TBL1XR1: variants seen among roughly 807,000 people sequenced by gnomAD.
TBL1XR1 encodes TBL1X/Y related 1.
In TBL1XR1, 5 loss-of-function variants were observed where a neutral mutation model predicts 66.9. That is an observed-to-expected ratio of 0.07 (90% CI 0.04 to 0.16). The LOEUF is 0.16. Ranked by LOEUF, TBL1XR1 falls within the 10% of genes least tolerant of loss-of-function variation. The pLI is 1.00. For synonymous variants in TBL1XR1, 210 were observed against 206.0 expected (o/e 1.02, Z -0.17); for missense variants, 238 against 623.2 (o/e 0.38, Z 6.58).
In TBL1XR1 at chr3:177,020,304, A is replaced by G. The variant is rs1178508228; in HGVS notation, c.*5194T>C. 4 of 152,160 alleles carry G rather than the reference A, an allele frequency of 2.6e-5. No homozygotes were observed. Among genetic ancestry groups the G allele is most frequent in the Non-Finnish European group, 5.9e-5 (4 of 68,016 alleles). 9.4% of individuals were successfully genotyped at this position (152,160 alleles called of 1,614,324 possible). On this transcript the variant is annotated 3_prime_UTR_variant, in exon 16 of 16. Transcript: ENST00000457928. ...TGTGAAATAACGTCTTTTAAATACA[A>G]TATTTATTTTTCAAAAGAATTAAAA...
intron 2 of TBL1XR1, among the ~76,000 whole-genome samples, chr3:177,066,181 A>G (rs1160481207): frequency 6.6e-6 from 1 of 152,194 alleles, no homozygotes. Flanking sequence ...AAAAATTAAC[A>G]AGCATTTGAG....
chr3:177,116,704 A>G, intron 1 of TBL1XR1, among the ~76,000 whole-genome samples: 1 of 152,212 alleles, frequency 6.6e-6, no homozygotes, highest in East Asian at 1.9e-4. Context: ...TAACCTCTCT[A>G]AACCTCAGTT....
chr3:177,138,447 G>A (rs1729246957), intron 1 of TBL1XR1, among the ~76,000 whole-genome samples: 1 of 152,106 alleles, frequency 6.6e-6, no homozygotes. Flanking sequence ...GTAAAAATTA[G>A]TTGGGGTGGT....
chr3:177,094,761 G>A (rs534215807), intron 2 of TBL1XR1, among the ~76,000 whole-genome samples: 21 of 152,250 alleles, frequency 1.4e-4, no homozygotes, highest in African/African-American at 4.3e-4. Context: ...AAGTGAGAGC[G>A]AAGCTATGAG....
chr3:177,129,093 C>A (rs1056363722), intron 1 of TBL1XR1, among the ~76,000 whole-genome samples: 26 of 152,056 alleles, frequency 1.7e-4, no homozygotes, highest in African/African-American at 4.8e-4. Flanking sequence ...CTATGGGATG[C>A]TCAAAAGACA....
intron 13 of TBL1XR1, among the ~76,000 whole-genome samples, 169 bp downstream of exon 13, chr3:177,034,029 G>T (rs1714399672): frequency 6.8e-6 from 1 of 147,618 alleles, no homozygotes; most frequent in Non-Finnish European, 1.5e-5. Flanking sequence ...CAGCACTAAA[G>T]AATTTATTCT....
At chr3:177,081,904 A>G (rs959899862) in intron 2 of TBL1XR1, among the ~76,000 whole-genome samples, 31 of 152,138 alleles carry the variant, frequency 2.0e-4, no homozygotes, top group African/African-American at 7.5e-4. Flanking sequence ...TTTGGGTAAA[A>G]TATTCTCCTC....
chr3:177,171,597 G>A (rs1362088178), intron 1 of TBL1XR1, among the ~76,000 whole-genome samples: 2 of 151,000 alleles, frequency 1.3e-5, no homozygotes, highest in East Asian at 3.9e-4. Flanking sequence ...CAGCTACTCG[G>A]GAGGCTGAGG....
At chr3:177,155,197 TAAAC>T (rs1341408413) in intron 1 of TBL1XR1, among the ~76,000 whole-genome samples, 4 of 152,008 alleles carry the variant, frequency 2.6e-5, no homozygotes, top group African/African-American at 4.8e-5. Flanking sequence ...AAGGGCAAAT[TAAAC>T]AAAGAAAGCG....
At chr3:177,088,279 T>C (rs1402511579) in intron 2 of TBL1XR1, among the ~76,000 whole-genome samples, 2 of 152,138 alleles carry the variant, frequency 1.3e-5, no homozygotes, top group Non-Finnish European at 1.5e-5. Context: ...GAGCAGAAGA[T>C]TCCACACTTG....
chr3:177,163,244 C>T (rs982398483), intron 1 of TBL1XR1, among the ~76,000 whole-genome samples: 5 of 152,116 alleles, frequency 3.3e-5, no homozygotes, highest in Non-Finnish European at 7.4e-5. Flanking sequence ...TGGTGGCTCA[C>T]GCTTGTAATC....
At chr3:177,120,849 C>T (rs1439327117) in intron 1 of TBL1XR1, 1 of 152,156 alleles carries the variant, frequency 6.6e-6, no homozygotes, top group Admixed American at 6.5e-5. Context: ...CATCTTTGTA[C>T]TTCATGTTGT....
Position 177,051,489 on chromosome 3 carries a change from C to A in TBL1XR1, c.427+15G>T, listed in dbSNP as rs764349157. On this transcript the variant is annotated intron_variant, in intron 5 of 15. Transcript: ENST00000457928. ...TAAACCATGTAATTAAAAAAAAATT[C>A]TTGTCTGAGCTCACTTGCTATAGTA... 19 of 1,558,056 alleles carry A rather than the reference C, an allele frequency of 1.2e-5. No individual in the cohort carries two copies. The highest frequency in any genetic ancestry group is 1.5e-5 in the Non-Finnish European group (17 of 1,159,468).
chr3:177,104,170 C>A (rs967425215), intron 1 of TBL1XR1, among the ~76,000 whole-genome samples: 11 of 149,380 alleles, frequency 7.4e-5, no homozygotes, highest in Non-Finnish European at 1.6e-4. Context: ...CCAGAATTGA[C>A]CCTGCTTAGA....
chr3:177,069,793 AAAGGAAGGAAGGAAGGAAGG>A (rs201302557), intron 2 of TBL1XR1, among the ~76,000 whole-genome samples: 1,001 of 92,400 alleles, frequency 0.011, 16 homozygotes, highest in East Asian at 0.054. Context: ...AAAAGGAAGG[AAAGGAAGGAAGGAAGGAAGG>A]AAGGAAGGAA....
At chr3:177,130,109 C>T (rs1329023314) in intron 1 of TBL1XR1, among the ~76,000 whole-genome samples, 1 of 142,710 alleles carries the variant, frequency 7.0e-6, no homozygotes, top group Non-Finnish European at 1.5e-5. Flanking sequence ...CACGCCACTG[C>T]ACTCCAGCCT....
chr3:177,178,027 A>T (rs550932532), intron 1 of TBL1XR1, among the ~76,000 whole-genome samples: 1 of 152,332 alleles, frequency 6.6e-6, no homozygotes, highest in South Asian at 2.1e-4. Context: ...GGAATGACAT[A>T]AAAGAATCAG....
At chr3:177,033,230 T>C (rs1714259354) in intron 13 of TBL1XR1, 94 bp from the exon 14 acceptor site, 2 of 1,105,284 alleles carry the variant, frequency 1.8e-6, no homozygotes, top group South Asian at 3.0e-5. Context: ...CCAAATCTAA[T>C]AGCCAAAATT....
chr3:177,094,862 G>A (rs1357659619), intron 2 of TBL1XR1, among the ~76,000 whole-genome samples: 1 of 151,914 alleles, frequency 6.6e-6, no homozygotes, highest in African/African-American at 2.4e-5. Flanking sequence ...TACACACTGG[G>A]TACAGTGTAC....
Sources: allele counts gnomAD v4.1 joint callset (sites outside exome capture counted in the v4.1 genomes callset), GRCh38; gene constraint gnomAD v4.1.1; transcripts MANE v1.5; gene names NCBI Gene and HGNC (gene_info 2026-07-23, HGNC 2026-07-21).